GXYLT2: variants seen among roughly 807,000 people sequenced by gnomAD.
The protein encoded by GXYLT2 is glucoside xylosyltransferase 2, also known as glycosyltransferase 8 domain containing 4.
GXYLT2 carries 53 observed loss-of-function variants against 45.8 expected under a neutral mutation model. The ratio of observed to expected loss-of-function variants is 1.16; its 90% CI spans 0.93 to 1.46. The LOEUF is 1.46. GXYLT2 is among the 40% of genes most tolerant of loss of function. The pLI, the probability that GXYLT2 is intolerant of heterozygous loss-of-function variation, is 0.00. For missense variants in GXYLT2, 551 were observed against 544.4 expected, an observed-to-expected ratio of 1.01 and a Z score of -0.12; for synonymous variants, 219 against 214.2, an observed-to-expected ratio of 1.02 and a Z score of -0.19.
intron 3 of GXYLT2, among the ~76,000 whole-genome samples, chr3:72,945,374 A>G (rs1451407893): frequency 6.6e-6 from 1 of 152,228 alleles, no homozygotes; most frequent in Non-Finnish European, 1.5e-5. Flanking sequence ...GTAAATATTT[A>G]TTGGATGCCT....
chr3:72,888,533 C>A, intron 1 of GXYLT2, 25 bp downstream of exon 1: 1 of 1,202,378 alleles, frequency 8.3e-7, no homozygotes, highest in South Asian at 3.1e-5. Context: ...CCCCAGAATC[C>A]CATCTGCGGA....
intron 6 of GXYLT2, among the ~76,000 whole-genome samples, chr3:72,968,447 C>T (rs914505109): frequency 2.0e-5 from 3 of 152,224 alleles, no homozygotes; most frequent in Non-Finnish European, 2.9e-5. Flanking sequence ...TGTTCAGTTA[C>T]AACAAGGAGC....
intron 3 of GXYLT2, among the ~76,000 whole-genome samples, chr3:72,952,903 T>C (rs1710553758): frequency 1.3e-5 from 2 of 152,086 alleles, no homozygotes; most frequent in Non-Finnish European, 2.9e-5. Context: ...CCATAAGTGT[T>C]ATGGTGTTGG....
intron 6 of GXYLT2, among the ~76,000 whole-genome samples, chr3:72,968,277 A>G (rs1710907644): frequency 6.6e-6 from 1 of 152,208 alleles, no homozygotes; most frequent in South Asian, 2.1e-4. Context: ...TTTAGGAGGA[A>G]ATTTCATGTC....
intron 5 of GXYLT2, among the ~76,000 whole-genome samples, chr3:72,962,648 A>G (rs1037060412): frequency 6.6e-6 from 1 of 152,218 alleles, no homozygotes; most frequent in African/African-American, 2.4e-5. Context: ...GGTCCCAGGA[A>G]TATGGCAACA....
intron 3 of GXYLT2, among the ~76,000 whole-genome samples, chr3:72,935,325 AAAAACT>A (rs941786424): frequency 2.6e-5 from 4 of 152,244 alleles, no homozygotes; most frequent in Non-Finnish European, 5.9e-5. Flanking sequence ...AGCAAAAAAC[AAAAACT>A]AAATAGAAGG....
chr3:72,902,740 C>T (rs956649650), intron 1 of GXYLT2, among the ~76,000 whole-genome samples: 10 of 79,794 alleles, frequency 1.3e-4, no homozygotes, highest in African/African-American at 3.9e-4. Context: ...TACTTCCAGG[C>T]ATGGTGGCTC....
intron 5 of GXYLT2, among the ~76,000 whole-genome samples, chr3:72,958,089 G>A (rs538714470): frequency 6.6e-6 from 1 of 151,472 alleles, no homozygotes; most frequent in Non-Finnish European, 1.5e-5. Flanking sequence ...TACCCAACAT[G>A]GTGAAATCCC....
At chr3:72,972,591 A>G (rs1320099832) in intron 6 of GXYLT2, among the ~76,000 whole-genome samples, 1 of 148,142 alleles carries the variant, frequency 6.8e-6, no homozygotes, top group Non-Finnish European at 1.5e-5. Context: ...CAGTGAGCCA[A>G]GATCGCACCA....
chr3:72,897,148 G>A (rs1444876994), intron 1 of GXYLT2, among the ~76,000 whole-genome samples: 1 of 152,144 alleles, frequency 6.6e-6, no homozygotes, highest in Non-Finnish European at 1.5e-5. Context: ...ATATTGGATA[G>A]GGCAGAACTC....
chr3:72,915,378 A>C lies in GXYLT2; in HGVS notation c.468+6819A>C, dbSNP rs187744673. On this transcript the variant is annotated intron_variant, in intron 2 of 6. Transcript: ENST00000389617. ...TTGCGGGGGGGGGGGGGATTTAGGA[A>C]AAATAGCCCATAGAAAGAGATGATA... is the stretch of plus-strand genomic sequence containing the variant. Among the ~76,000 whole-genome samples, 802 of 141,872 alleles carry C rather than the reference A, an allele frequency of 5.7e-3. 39 individuals are homozygous for C. Among genetic ancestry groups the C allele is most frequent in the African/African-American group, 0.021 (756 of 36,868 alleles). 93.1% of individuals were successfully genotyped at this position (141,872 alleles called of 152,430 possible).
At chr3:72,945,161 G>A (rs1409422161) in intron 3 of GXYLT2, among the ~76,000 whole-genome samples, 4 of 151,230 alleles carry the variant, frequency 2.6e-5, no homozygotes, top group Admixed American at 2.6e-4. Context: ...GGTGGCAGGC[G>A]CCTGTAGTCC....
At position 72,900,597 on chromosome 3, in the gene GXYLT2, T is replaced by C. The variant is rs1319777761; in HGVS notation, c.276-7770T>C. Among the ~76,000 whole-genome samples the C allele has an allele frequency of 2.0e-5, 3 of 152,078 alleles. No homozygotes were observed. In the East Asian group the frequency reaches 5.9e-4, roughly 30 times the overall value. On this transcript the variant is annotated intron_variant, in intron 1 of 6. Coordinates refer to ENST00000389617, the MANE Select transcript of GXYLT2 (RefSeq NM_001080393.2). ...ACCCAGCTACTTCTTTTTGTGTTTT[T>C]AGTAGAGACCAGGTTTCACCATGTT...
intron 1 of GXYLT2, among the ~76,000 whole-genome samples, chr3:72,894,960 TA>T (rs1377788404): frequency 1.3e-5 from 2 of 152,190 alleles, no homozygotes; most frequent in Admixed American, 6.5e-5. Flanking sequence ...AAGCCCCCAG[TA>T]AAACGCCAGG....
chr3:72,938,565 G>A (rs1710234252), intron 3 of GXYLT2, among the ~76,000 whole-genome samples: 1 of 152,204 alleles, frequency 6.6e-6, no homozygotes, highest in African/African-American at 2.4e-5. Context: ...TTAAATGACA[G>A]TTGCCATGGC....
intron 1 of GXYLT2, among the ~76,000 whole-genome samples, chr3:72,906,591 G>T (rs1709514498): frequency 8.0e-6 from 1 of 124,466 alleles, no homozygotes; most frequent in Non-Finnish European, 1.8e-5. Flanking sequence ...TCCAGTGCAG[G>T]CGTCTTTGTT....
chr3:72,908,362 T>G lies in GXYLT2; in HGVS notation c.276-5T>G. On this transcript the variant is annotated splice_region_variant and splice_polypyrimidine_tract_variant and intron_variant, in intron 1 of 6. Transcript: ENST00000389617. ...ATAGCTTTCACTTGTTTTCCCTCTTTCTAGGAGGCCTGGAGAACCCAGGAG... is the reference window on the plus strand; with the variant it reads ...ATAGCTTTCACTTGTTTTCCCTCTTGCTAGGAGGCCTGGAGAACCCAGGAG... 6.3e-7 allele frequency: 1 copy of G among 1,577,888 alleles called. No individual in the cohort carries two copies. The highest frequency in any genetic ancestry group is 8.6e-7 in the Non-Finnish European group (1 of 1,167,646).
intron 6 of GXYLT2, among the ~76,000 whole-genome samples, chr3:72,970,011 G>C (rs143314645): frequency 2.0e-3 from 303 of 151,246 alleles, no homozygotes; most frequent in African/African-American, 6.7e-3. Context: ...TTGAGGTCAG[G>C]AGTTTGAGGT....
chr3:72,967,225 G>A (rs1306742362), intron 5 of GXYLT2, among the ~76,000 whole-genome samples: 1 of 152,240 alleles, frequency 6.6e-6, no homozygotes, highest in Non-Finnish European at 1.5e-5. Context: ...TAAGTGACTA[G>A]ACATGGATTT....
Sources: allele counts gnomAD v4.1 joint callset (sites outside exome capture counted in the v4.1 genomes callset), GRCh38; gene constraint gnomAD v4.1.1; transcripts MANE v1.5; gene names NCBI Gene and HGNC (gene_info 2026-07-23, HGNC 2026-07-21).